The following IQCH variants were observed in gnomAD, a reference collection of about 807,000 sequenced individuals.
IQCH encodes IQ domain-containing protein H.
Under a neutral mutation model 117.0 loss-of-function variants are expected in IQCH, and 98 were observed. The ratio of observed to expected loss-of-function variants is 0.84; its 90% confidence interval spans 0.71 to 0.99. The LOEUF (loss-of-function observed/expected upper bound fraction) is 0.99. Ranked by LOEUF, IQCH falls within the 50% of genes least tolerant of loss-of-function variation. IQCH has a pLI of 0.00. For synonymous variants in IQCH, 412 were observed against 448.2 expected (o/e 0.92, Z 1.02); for missense variants, 1,102 against 1,243.8 (o/e 0.89, Z 1.72).
intron 16 of IQCH, among the ~76,000 whole-genome samples, chr15:67,434,661 T>C (rs1183961240): frequency 6.6e-6 from 1 of 152,236 alleles, no homozygotes; most frequent in African/African-American, 2.4e-5. Context: ...GTTTAAGTTT[T>C]TGAGGAACCT....
At chr15:67,362,270 A>ACTTC (rs1970168733) in intron 8 of IQCH, among the ~76,000 whole-genome samples, 2 of 152,134 alleles carry the variant, frequency 1.3e-5, no homozygotes, top group Non-Finnish European at 2.9e-5. Flanking sequence ...GTGTGTTTAA[A>ACTTC]ACTTTTCCAA....
intron 16 of IQCH, among the ~76,000 whole-genome samples, chr15:67,429,684 T>G (rs567361052): frequency 6.6e-6 from 1 of 152,200 alleles, no homozygotes; most frequent in Non-Finnish European, 1.5e-5. Flanking sequence ...AACAGAAAAC[T>G]GAGGTGACTG....
In IQCH at chr15:67,431,043, A is replaced by C. The variant is rs1324101028; in HGVS notation, c.2505+9466A>C. 6.6e-6 allele frequency among the ~76,000 whole-genome samples: 1 copy of C among 152,202 alleles called. No individual in the cohort carries two copies. The highest frequency in any genetic ancestry group is 1.5e-5 in the Non-Finnish European group (1 of 68,030). On this transcript the variant is annotated intron_variant, in intron 16 of 20. Transcript: ENST00000335894. This position sits in a 1 kb window ranked among gnomAD's most constrained non-coding sequence, Gnocchi z 4.8. ...AAGGTGGGATTTGAGCCGAAAGAAA[A>C]TTAGGATATGAGGAGGGTAAGAAAG...
chr15:67,297,314 C>A (rs1966858684), intron 4 of IQCH, among the ~76,000 whole-genome samples: 1 of 152,106 alleles, frequency 6.6e-6, no homozygotes, highest in Non-Finnish European at 1.5e-5. Context: ...AGCCATCTCC[C>A]AGCTTTAGCA....
chr15:67,333,229 C>T (rs1968743945), intron 4 of IQCH, among the ~76,000 whole-genome samples: 1 of 152,200 alleles, frequency 6.6e-6, no homozygotes, highest in Non-Finnish European at 1.5e-5. Context: ...AACTTTCAGA[C>T]CACAGCTTCA....
intron 4 of IQCH, among the ~76,000 whole-genome samples, chr15:67,334,602 CT>C (rs1434255565): frequency 6.6e-6 from 1 of 152,158 alleles, no homozygotes; most frequent in Non-Finnish European, 1.5e-5. Flanking sequence ...ACCTGGGGAG[CT>C]TTCTAGAAAT....
intron 5 of IQCH, among the ~76,000 whole-genome samples, chr15:67,343,695 A>C (rs1009872145): frequency 5.9e-5 from 9 of 152,218 alleles, no homozygotes; most frequent in Non-Finnish European, 1.3e-4. Flanking sequence ...CTTAGTTATT[A>C]AGAATCTGTG....
At position 67,430,235 on chromosome 15, in the gene IQCH, C is replaced by T. The variant is rs931878786; in HGVS notation, c.2505+8658C>T. On this transcript the variant is annotated intron_variant, in intron 16 of 20. Coordinates refer to ENST00000335894, the MANE Select transcript of IQCH (RefSeq NM_001031715.3). This position sits in a 1 kb window ranked among gnomAD's most constrained non-coding sequence, Gnocchi z 5.1. The stretch of plus-strand genomic sequence containing the variant: ...AGCAGTAAACAAATAGCAGCAAAAG[C>T]TATTTCCAAATCCTGATGGGTCCTG... The T allele has an allele frequency of 2.6e-5, 4 of 151,902 alleles. No homozygotes were observed. Among genetic ancestry groups the T allele is most frequent in the Non-Finnish European group, 2.9e-5 (2 of 68,000 alleles). The allele number at this position is 151,902 out of a possible 1,614,324, so 9.4% of individuals were successfully genotyped here. A position where few individuals can be genotyped will look rare whatever the true frequency, so the allele number is the denominator to read the frequency against.
intron 3 of IQCH, among the ~76,000 whole-genome samples, chr15:67,267,367 C>T (rs1164214120): frequency 1.3e-5 from 2 of 152,178 alleles, no homozygotes; most frequent in Non-Finnish European, 1.5e-5. Context: ...CTAGCATCTG[C>T]ATTTTAGCAA....
chr15:67,274,552 T>C (rs1316820834), intron 3 of IQCH, among the ~76,000 whole-genome samples: 1 of 152,220 alleles, frequency 6.6e-6, no homozygotes, highest in East Asian at 1.9e-4. Flanking sequence ...ATAAATTTCT[T>C]AATTGATTTT....
intron 18 of IQCH, among the ~76,000 whole-genome samples, chr15:67,485,548 C>T (rs2083450170): frequency 6.6e-6 from 1 of 152,164 alleles, no homozygotes; most frequent in Admixed American, 6.5e-5. Context: ...AAACACATAT[C>T]CAACCTCATT....
intron 17 of IQCH, among the ~76,000 whole-genome samples, chr15:67,471,895 T>G (rs1168443596): frequency 6.6e-6 from 1 of 152,238 alleles, no homozygotes; most frequent in Non-Finnish European, 1.5e-5. Context: ...AGTATTATTC[T>G]AATGCATTTA....
chr15:67,346,240 T>A (rs529688563), intron 6 of IQCH, among the ~76,000 whole-genome samples: 1 of 152,170 alleles, frequency 6.6e-6, no homozygotes, highest in South Asian at 2.1e-4. Context: ...ATAAAATACA[T>A]GAAGCAAAAA....
intron 4 of IQCH, among the ~76,000 whole-genome samples, chr15:67,318,311 T>C (rs1967947971): frequency 6.6e-6 from 1 of 152,126 alleles, no homozygotes; most frequent in African/African-American, 2.4e-5. Context: ...GAGGAACACA[T>C]GTACCTAGTA....
intron 16 of IQCH, among the ~76,000 whole-genome samples, chr15:67,435,392 C>G (rs1288768824): frequency 2.0e-5 from 3 of 152,028 alleles, no homozygotes; most frequent in Non-Finnish European, 1.5e-5. Context: ...TGAGACCAGC[C>G]TGGCCAACAC....
At chr15:67,266,951 G>A (rs562573601) in intron 3 of IQCH, among the ~76,000 whole-genome samples, 16 of 152,298 alleles carry the variant, frequency 1.1e-4, no homozygotes, top group African/African-American at 3.1e-4. Context: ...AGACACGTAC[G>A]TTTTTTCAGT....
At chr15:67,455,693 G>T (rs1278947751) in intron 16 of IQCH, among the ~76,000 whole-genome samples, 1 of 152,116 alleles carries the variant, frequency 6.6e-6, no homozygotes, top group African/African-American at 2.4e-5. Flanking sequence ...CTTCTGCTTT[G>T]AAAATCCTCA....
In IQCH at chr15:67,413,070, G is replaced by GGT. The variant is rs35806920; in HGVS notation, c.2098-3832_2098-3831dup. 0.23 allele frequency among the ~76,000 whole-genome samples: 34,312 copies of GGT among 147,824 alleles called. 4,238 individuals are homozygous for GGT. The highest frequency in any genetic ancestry group is 0.36 in the African/African-American group (14,417 of 40,478). ...ATTGGAGTGTTTGTCTGTTATGGAA[G>GGT]GTGTGTGTGTGTGTGTGTGTGTGTG... On this transcript the variant is annotated intron_variant, in intron 14 of 20. Coordinates refer to ENST00000335894, the MANE Select transcript of IQCH (RefSeq NM_001031715.3). The surrounding 1 kb of genome is among the most constrained non-coding windows in gnomAD (Gnocchi z 5.0).
intron 16 of IQCH, among the ~76,000 whole-genome samples, chr15:67,442,896 G>T (rs4322613): frequency 0.99 from 147,874 of 149,052 alleles, 73,362 homozygotes; most frequent in Middle Eastern, 1. Context: ...AATACATATA[G>T]ATATACATAC....
Sources: gnomAD v4.1 joint callset for allele counts (sites outside exome capture counted in the v4.1 genomes callset) on GRCh38, gnomAD v4.1.1 for gene constraint, Gnocchi (gnomAD v3.1) non-coding constraint, MANE v1.5 for transcripts, NCBI Gene and HGNC (gene_info 2026-07-23, HGNC 2026-07-21) for gene names.